The following RHOBTB3 variants were observed in gnomAD, a reference collection of about 807,000 sequenced individuals.
RHOBTB3 encodes the protein rho-related BTB domain-containing protein 3.
A neutral mutation model predicts 67.2 loss-of-function variants in RHOBTB3; 47 were observed. That is an observed-to-expected ratio of 0.70 (90% CI 0.55 to 0.89). RHOBTB3 has a LOEUF of 0.89. RHOBTB3 is among the 40% of genes least tolerant of loss of function. The pLI is 0.00. For synonymous variants in RHOBTB3, 273 were observed against 274.2 expected, an observed-to-expected ratio of 1.00 and a Z score of 0.04; for missense variants, 631 against 750.0, an observed-to-expected ratio of 0.84 and a Z score of 1.85.
chr5:95,740,379 A>C (rs988394300), intron 3 of RHOBTB3, among the ~76,000 whole-genome samples: 6 of 152,230 alleles, frequency 3.9e-5, no homozygotes, highest in African/African-American at 1.4e-4. Context: ...CTATACATGG[A>C]AGTGACTATA....
intron 1 of RHOBTB3, chr5:95,717,891 G>T (rs539831732): frequency 4.0e-4 from 61 of 152,194 alleles, no homozygotes; most frequent in African/African-American, 1.4e-3. Flanking sequence ...GCAGGTATTT[G>T]GTTTATAGTT....
chr5:95,791,009 G>C (rs1052198010), intron 11 of RHOBTB3, among the ~76,000 whole-genome samples: 1 of 152,162 alleles, frequency 6.6e-6, no homozygotes, highest in African/African-American at 2.4e-5. Flanking sequence ...CCAGAGGGTC[G>C]CAGTCACTTC....
At chr5:95,763,989 T>C (rs1207410417) in intron 7 of RHOBTB3, among the ~76,000 whole-genome samples, 1 of 152,058 alleles carries the variant, frequency 6.6e-6, no homozygotes, top group Non-Finnish European at 1.5e-5. Context: ...TTTAAATTTT[T>C]TGTAGAGACG....
intron 8 of RHOBTB3, among the ~76,000 whole-genome samples, chr5:95,772,965 T>A (rs1745759618): frequency 6.6e-6 from 1 of 152,218 alleles, no homozygotes; most frequent in South Asian, 2.1e-4. Flanking sequence ...CATTAATGAA[T>A]TAGGGGTTGT....
chr5:95,747,879 C>T (rs1352760661), intron 3 of RHOBTB3, among the ~76,000 whole-genome samples: 1 of 152,264 alleles, frequency 6.6e-6, no homozygotes, highest in South Asian at 2.1e-4. Flanking sequence ...GGTTCTGTTA[C>T]AATAGAAGTG....
At chr5:95,763,808 G>GTGTGTA (rs1349121097) in intron 7 of RHOBTB3, among the ~76,000 whole-genome samples, 188 bp downstream of exon 7, 1 of 151,728 alleles carries the variant, frequency 6.6e-6, no homozygotes. Context: ...TAGATTGTGT[G>GTGTGTA]TGTGTGTGTG....
chr5:95,793,539 TG>T lies in RHOBTB3; in HGVS notation c.*366del, dbSNP rs1746482321. The T allele has an allele frequency of 6.0e-6, 1 of 167,224 alleles. No individual in the cohort carries two copies. Among genetic ancestry groups the T allele is most frequent in the Non-Finnish European group, 1.3e-5 (1 of 77,118 alleles). The allele number at this position is 167,224 out of a possible 1,614,324, so 10.4% of individuals were successfully genotyped here. A position where few individuals can be genotyped will look rare whatever the true frequency, so the allele number is the denominator to read the frequency against. On this transcript the variant is annotated 3_prime_UTR_variant, in exon 12 of 12. Coordinates refer to ENST00000379982, the MANE Select transcript of RHOBTB3 (RefSeq NM_014899.4). ...AGAAATTTAATCATGTCTGATTAAT[TG>T]CTCTATTAAAATAAGGGGCATTTAA...
chr5:95,752,035 GTTTA>G (rs990117035), intron 4 of RHOBTB3, among the ~76,000 whole-genome samples, 200 bp from the exon 5 acceptor site: 1 of 152,166 alleles, frequency 6.6e-6, no homozygotes, highest in South Asian at 2.1e-4. Context: ...TGAGTGGATA[GTTTA>G]TTTATGTTCA....
chr5:95,748,069 C>T (rs1329977836), intron 3 of RHOBTB3, among the ~76,000 whole-genome samples: 1 of 152,218 alleles, frequency 6.6e-6, no homozygotes, highest in East Asian at 1.9e-4. Flanking sequence ...CCCACGAGTA[C>T]TGGTTGTTTG....
intron 1 of RHOBTB3, among the ~76,000 whole-genome samples, chr5:95,723,338 G>C (rs9314153): frequency 0.07 from 10,730 of 152,272 alleles, 994 homozygotes; most frequent in African/African-American, 0.21. Flanking sequence ...TTGGACTTCT[G>C]CAAACACAAC....
At chr5:95,770,732 T>G (rs2112817623) in intron 8 of RHOBTB3, 1 of 396,570 alleles carries the variant, frequency 2.5e-6, no homozygotes, top group South Asian at 2.2e-5. Context: ...TGACATTTAT[T>G]AATGAACGGT....
At chr5:95,734,880 G>T (rs897379429) in intron 2 of RHOBTB3, among the ~76,000 whole-genome samples, 1 of 152,022 alleles carries the variant, frequency 6.6e-6, no homozygotes, top group Non-Finnish European at 1.5e-5. Flanking sequence ...TTCCCTTAAA[G>T]GTCCTCCCCT....
chr5:95,789,542 A>T (rs1746314630), intron 11 of RHOBTB3: 1 of 152,244 alleles, frequency 6.6e-6, no homozygotes, highest in Non-Finnish European at 1.5e-5. Context: ...TATCTAGCAT[A>T]GACTCAAGGA....
chr5:95,767,584 TG>T (rs1745584448), intron 7 of RHOBTB3, among the ~76,000 whole-genome samples: 1 of 152,210 alleles, frequency 6.6e-6, no homozygotes, highest in Admixed American at 6.5e-5. Context: ...GTGCCCACCT[TG>T]GCCTCCAAAG....
intron 2 of RHOBTB3, among the ~76,000 whole-genome samples, chr5:95,735,629 C>T (rs1755437128): frequency 6.6e-6 from 1 of 152,176 alleles, no homozygotes; most frequent in South Asian, 2.1e-4. Context: ...TTTTCTTAAT[C>T]TAGCTTTATT....
intron 6 of RHOBTB3, among the ~76,000 whole-genome samples, chr5:95,757,062 G>A (rs1252466954): frequency 6.6e-6 from 1 of 152,106 alleles, no homozygotes; most frequent in Non-Finnish European, 1.5e-5. Context: ...TCCAGTGTTA[G>A]TTGAGGTCTA....
In RHOBTB3 at chr5:95,793,742, C is replaced by T. The variant is rs1746488677; in HGVS notation, c.*568C>T. 1 of 246,322 alleles carries T rather than the reference C, an allele frequency of 4.1e-6. No homozygotes were observed. Among genetic ancestry groups the T allele is most frequent in the South Asian group, 4.5e-5 (1 of 22,016 alleles). 15.3% of individuals were successfully genotyped at this position (246,322 alleles called of 1,614,324 possible). On this transcript the variant is annotated 3_prime_UTR_variant, in exon 12 of 12. Coordinates refer to ENST00000379982, the MANE Select transcript of RHOBTB3 (RefSeq NM_014899.4). ...AAATACCTGCTTTTCATCTGGACAA[C>T]CCAATTGAGCCACTTTATCTCCTTT...
intron 7 of RHOBTB3, among the ~76,000 whole-genome samples, chr5:95,765,207 C>G (rs1299071024): frequency 6.6e-6 from 1 of 152,116 alleles, no homozygotes; most frequent in Non-Finnish European, 1.5e-5. Flanking sequence ...GTGTAATATA[C>G]ATCTATAAAA....
At chr5:95,745,136 A>G (rs1282760584) in intron 3 of RHOBTB3, among the ~76,000 whole-genome samples, 4 of 151,788 alleles carry the variant, frequency 2.6e-5, no homozygotes, top group Non-Finnish European at 4.4e-5. Flanking sequence ...GGATCTCGCT[A>G]TGTCAACCAA....
Sources: allele counts gnomAD v4.1 joint callset (sites outside exome capture counted in the v4.1 genomes callset), GRCh38; gene constraint gnomAD v4.1.1; transcripts MANE v1.5; gene names NCBI Gene and HGNC (gene_info 2026-07-23, HGNC 2026-07-21).